Variants in RNF13 observed in about 807,000 individuals in gnomAD.
The protein encoded by RNF13 is ring finger protein 13, also known as E3 ubiquitin-protein ligase RNF13.
Under a neutral mutation model 37.7 loss-of-function variants are expected in RNF13, and 19 were observed. The ratio of observed to expected loss-of-function variants is 0.50; its 90% confidence interval spans 0.35 to 0.74. The LOEUF (loss-of-function observed/expected upper bound fraction) is 0.74. RNF13 is among the 30% of genes least tolerant of loss of function. The probability of loss-of-function intolerance (pLI) is 0.01; values close to 1 mark genes in which losing one functional copy is unlikely to be tolerated. For synonymous variants in RNF13, 144 were observed against 157.8 expected (o/e 0.91, Z 0.65); for missense variants, 375 against 453.0 (o/e 0.83, Z 1.56).
At chr3:149,813,616 C>T (rs1407967701) in intron 1 of RNF13, among the ~76,000 whole-genome samples, 2 of 152,210 alleles carry the variant, frequency 1.3e-5, no homozygotes, top group Non-Finnish European at 2.9e-5. Flanking sequence ...TTGCTTCTCT[C>T]ATTCCCTTCT....
intron 8 of RNF13, among the ~76,000 whole-genome samples, chr3:149,947,963 T>C (rs1328872953): frequency 2.0e-5 from 3 of 152,174 alleles, no homozygotes; most frequent in African/African-American, 7.2e-5. Context: ...TTTGTTTGTT[T>C]GTTTGAGAAG....
intron 8 of RNF13, among the ~76,000 whole-genome samples, chr3:149,926,127 TC>T (rs1718619903): frequency 6.6e-6 from 1 of 152,206 alleles, no homozygotes; most frequent in Non-Finnish European, 1.5e-5. Context: ...CTTCAATAAT[TC>T]TTGTGTTTTA....
intron 1 of RNF13, among the ~76,000 whole-genome samples, chr3:149,833,751 G>A (rs1414884007): frequency 6.6e-6 from 1 of 152,142 alleles, no homozygotes; most frequent in Non-Finnish European, 1.5e-5. Context: ...GGCACCAGAA[G>A]TCCTAGCCAG....
chr3:149,943,854 C>T lies in RNF13; in HGVS notation c.701-16202C>T, dbSNP rs528233267. ...TACTTTAAGTTCTAGGGTACATGCA[C>T]ACAACGTGCAGGTTTGTTACATATG... On this transcript the variant is annotated intron_variant, in intron 8 of 9. Transcript: ENST00000392894. Among the ~76,000 whole-genome samples the T allele has an allele frequency of 1.8e-4, 27 of 152,010 alleles. No individual in the cohort carries two copies. The South Asian group carries it at 5.6e-3, about 32-fold the overall frequency.
chr3:149,895,111 G>C (rs557964091), intron 4 of RNF13: 1 of 157,624 alleles, frequency 6.3e-6, no homozygotes, highest in Non-Finnish European at 1.4e-5. Flanking sequence ...ACTCATTTCT[G>C]TGTGTTAGGC....
chr3:149,906,916 G>T (rs1483171462), intron 6 of RNF13, among the ~76,000 whole-genome samples: 1 of 152,148 alleles, frequency 6.6e-6, no homozygotes, highest in Non-Finnish European at 1.5e-5. Flanking sequence ...GCTCCACAAA[G>T]TGTTGGGATT....
chr3:149,937,864 A>T (rs1451607024), intron 8 of RNF13, among the ~76,000 whole-genome samples: 1 of 152,080 alleles, frequency 6.6e-6, no homozygotes, highest in African/African-American at 2.4e-5. Context: ...CCGTGGATGA[A>T]TGTTCCATGT....
At chr3:149,932,671 C>G (rs1719280044) in intron 8 of RNF13, among the ~76,000 whole-genome samples, 1 of 152,228 alleles carries the variant, frequency 6.6e-6, no homozygotes, top group African/African-American at 2.4e-5. Flanking sequence ...GTCCCGCATC[C>G]AAGGCACACT....
intron 8 of RNF13, among the ~76,000 whole-genome samples, chr3:149,956,704 T>C (rs980777255): frequency 2.6e-5 from 4 of 152,244 alleles, no homozygotes; most frequent in African/African-American, 9.7e-5. Context: ...GTGTGTCTTA[T>C]TGTTTCATAT....
chr3:149,850,227 A>T (rs191320956), intron 2 of RNF13, among the ~76,000 whole-genome samples: 4 of 152,154 alleles, frequency 2.6e-5, no homozygotes, highest in African/African-American at 9.6e-5. Flanking sequence ...TGATCTGCCC[A>T]CCTCGGCCTC....
chr3:149,869,274 T>C (rs1196569076), intron 3 of RNF13, among the ~76,000 whole-genome samples: 1 of 151,862 alleles, frequency 6.6e-6, no homozygotes, highest in African/African-American at 2.4e-5. Flanking sequence ...GATCACTGAG[T>C]TTCCTTAAAA....
chr3:149,889,286 A>AGTGTGC (rs1172854494), intron 4 of RNF13, among the ~76,000 whole-genome samples: 1 of 45,338 alleles, frequency 2.2e-5, no homozygotes, highest in East Asian at 6.2e-4. Flanking sequence ...TCTGAATTTG[A>AGTGTGC]GTGTGCGTGT....
intron 1 of RNF13, among the ~76,000 whole-genome samples, chr3:149,844,665 A>G (rs138005234): frequency 8.5e-5 from 13 of 152,340 alleles, no homozygotes; most frequent in African/African-American, 2.9e-4. Flanking sequence ...TAGGGATAGC[A>G]ATCTCAGGCC....
chr3:149,839,629 G>A lies in RNF13; in HGVS notation c.-16-6382G>A, dbSNP rs756812792. Among the ~76,000 whole-genome samples, 284 of 152,200 alleles carry A rather than the reference G, an allele frequency of 1.9e-3. 1 individual carries two copies. The highest frequency in any genetic ancestry group is 3.4e-3 in the Non-Finnish European group (232 of 68,004). ...ACTCACTCTCATGAGAATAGCATGG[G>A]AAAGACCTGCCCCCATGATTCAATT... On this transcript the variant is annotated intron_variant, in intron 1 of 9. Transcript: ENST00000392894.
intron 3 of RNF13, among the ~76,000 whole-genome samples, chr3:149,865,350 A>ATATATATATATATG (rs1313886824): frequency 6.7e-6 from 1 of 148,830 alleles, no homozygotes; most frequent in African/African-American, 2.5e-5. Context: ...ATATATATAT[A>ATATATATATATATG]TGTATAAAAC....
rs1403960490 is a variant in RNF13, at chr3:149,869,881, C to G, written c.196-2148C>G. Among the ~76,000 whole-genome samples the G allele has an allele frequency of 1.3e-5, 2 of 151,800 alleles. 1 individual carries two copies. Among genetic ancestry groups the G allele is most frequent in the Admixed American group, 1.3e-4 (2 of 15,266 alleles). Reference sequence around the variant, plus strand: ...CCTTAAGCTTAGGTTCACCTTGGCTCTAGTAAATTATCAAAATGCTGCCCT... The same window carrying G: ...CCTTAAGCTTAGGTTCACCTTGGCTGTAGTAAATTATCAAAATGCTGCCCT... On this transcript the variant is annotated intron_variant, in intron 3 of 9. Transcript: ENST00000392894.
chr3:149,949,910 T>C (rs1721146716), intron 8 of RNF13, among the ~76,000 whole-genome samples: 2 of 152,138 alleles, frequency 1.3e-5, no homozygotes, highest in South Asian at 4.1e-4. Context: ...TTAATTTTCT[T>C]GATGTTTCCA....
chr3:149,886,753 A>G (rs1343747156), intron 4 of RNF13, among the ~76,000 whole-genome samples: 2 of 152,188 alleles, frequency 1.3e-5, no homozygotes, highest in South Asian at 2.1e-4. Flanking sequence ...GCTCTTTATC[A>G]GGTTGAGTTC....
chr3:149,948,898 A>T (rs182699854), intron 8 of RNF13, among the ~76,000 whole-genome samples: 1 of 152,202 alleles, frequency 6.6e-6, no homozygotes, highest in African/African-American at 2.4e-5. Flanking sequence ...CATGGTGGCA[A>T]GTGCCTGTGG....
Sources: gnomAD v4.1 joint callset for allele counts (sites outside exome capture counted in the v4.1 genomes callset) on GRCh38, gnomAD v4.1.1 for gene constraint, MANE v1.5 for transcripts, NCBI Gene and HGNC (gene_info 2026-07-23, HGNC 2026-07-21) for gene names.